Variants in RAB28 observed in about 807,000 individuals in gnomAD.
RAB28 encodes RAB28, member RAS oncogene family.
RAB28 carries 24 observed loss-of-function variants against 31.7 expected under a neutral mutation model. The observed-to-expected ratio is 0.76, with a 90% CI of 0.55 to 1.06. The LOEUF is 1.06. RAB28 is among the 50% of genes least tolerant of loss of function. RAB28 has a pLI of 0.00. For synonymous variants in RAB28, 100 were observed against 90.4 expected, an observed-to-expected ratio of 1.11 and a Z score of -0.60; for missense variants, 254 against 258.5, an observed-to-expected ratio of 0.98 and a Z score of 0.12.
At chr4:13,409,556 C>G (rs936965715) in intron 4 of RAB28, among the ~76,000 whole-genome samples, 2 of 152,164 alleles carry the variant, frequency 1.3e-5, no homozygotes, top group Non-Finnish European at 2.9e-5. Flanking sequence ...TGGGAGAGAT[C>G]TGGCAGGAGC....
At chr4:13,406,777 C>T (rs1712117268) in intron 4 of RAB28, among the ~76,000 whole-genome samples, 1 of 152,150 alleles carries the variant, frequency 6.6e-6, no homozygotes, top group Admixed American at 6.5e-5. Flanking sequence ...TTTCATATAA[C>T]TATTGGCTGC....
At chr4:13,474,470 G>T in intron 2 of RAB28, 64 bp from the exon 3 acceptor site, 1 of 967,886 alleles carries the variant, frequency 1.0e-6, no homozygotes, top group Middle Eastern at 2.8e-4. Flanking sequence ...AATACAACAA[G>T]TGACACAGTA....
At chr4:13,468,810 G>A (rs1353642804) in intron 3 of RAB28, among the ~76,000 whole-genome samples, 4 of 150,086 alleles carry the variant, frequency 2.7e-5, no homozygotes, top group African/African-American at 9.8e-5. Flanking sequence ...CAATAAAATT[G>A]ACAAACCTCT....
intron 6 of RAB28, chr4:13,370,114 C>T: frequency 1.4e-6 from 2 of 1,393,244 alleles, no homozygotes; most frequent in Non-Finnish European, 1.9e-6. Context: ...ATGTCTCACA[C>T]ACACACGCAC....
chr4:13,470,265 G>C (rs2108968702), intron 3 of RAB28, among the ~76,000 whole-genome samples: 1 of 152,098 alleles, frequency 6.6e-6, no homozygotes, highest in South Asian at 2.1e-4. Flanking sequence ...TAACAACATA[G>C]ATCTTGCTTT....
chr4:13,456,416 C>T (rs532415577), intron 4 of RAB28, among the ~76,000 whole-genome samples: 19 of 152,340 alleles, frequency 1.2e-4, no homozygotes, highest in Admixed American at 5.9e-4. Flanking sequence ...TTACTGGGCA[C>T]TTACTATGCA....
intron 4 of RAB28, among the ~76,000 whole-genome samples, chr4:13,447,737 TATG>T (rs1212280892): frequency 6.6e-6 from 1 of 152,194 alleles, no homozygotes; most frequent in Non-Finnish European, 1.5e-5. Flanking sequence ...CTATATTTAT[TATG>T]ATGATGTATA....
At chr4:13,403,196 TA>T (rs1315928094) in intron 4 of RAB28, among the ~76,000 whole-genome samples, 23 of 152,218 alleles carry the variant, frequency 1.5e-4, no homozygotes, top group Non-Finnish European at 4.4e-5. Context: ...TCTATTCCTA[TA>T]AAACTATTTA....
In RAB28 at chr4:13,480,804, C is replaced by T. The variant is rs138103251; in HGVS notation, c.76-1278G>A. 4.5e-3 allele frequency among the ~76,000 whole-genome samples: 684 copies of T among 151,976 alleles called. 6 individuals carry two copies. The highest frequency in any genetic ancestry group is 0.016 in the African/African-American group (650 of 41,536). ...ACAAACACATTTGTTATATTTTTGA[C>T]ACATGTAACACTATCAAAACTGAGA... On this transcript the variant is annotated intron_variant, in intron 1 of 6. Coordinates refer to ENST00000330852, the MANE Select transcript of RAB28 (RefSeq NM_001017979.3).
chr4:13,460,631 G>C, intron 4 of RAB28, 68 bp downstream of exon 4: 2 of 1,586,118 alleles, frequency 1.3e-6, no homozygotes, highest in South Asian at 2.2e-5. Flanking sequence ...GGTGGTGGGG[G>C]GACACAAACA....
chr4:13,410,583 T>C (rs1392778292), intron 4 of RAB28, among the ~76,000 whole-genome samples: 1 of 152,138 alleles, frequency 6.6e-6, no homozygotes, highest in African/African-American at 2.4e-5. Flanking sequence ...TAATAAATTT[T>C]AAAAGCCTTA....
intron 4 of RAB28, among the ~76,000 whole-genome samples, chr4:13,385,167 G>A (rs886402771): frequency 2.0e-5 from 3 of 152,120 alleles, no homozygotes; most frequent in Non-Finnish European, 4.4e-5. Flanking sequence ...AGAATGAAAA[G>A]GAATGAACAA....
chr4:13,381,551 T>C lies in RAB28; in HGVS notation c.435A>G (p.Leu145=), dbSNP rs774257551. The C allele has an allele frequency of 1.2e-6, 2 of 1,613,180 alleles. No homozygotes were observed. The highest frequency in any genetic ancestry group is 2.7e-5 in the African/African-American group (2 of 74,888). ...HMRTIKPEKH[L]RFCQENGFSS... The stretch of plus-strand genomic sequence containing the variant: ...TAAAACCATTTTCCTGGCAAAACCG[T>C]AAGTGTTTTTCAGGTTTTATTGTTC... The change falls in exon 5 of 7, where the codon TTA becomes TTG. Residue 145 remains leucine, a synonymous_variant. Transcript: ENST00000330852.
At position 13,413,908 on chromosome 4, in the gene RAB28, G is replaced by A. The variant is rs142647148; in HGVS notation, c.392-32314C>T. Among the ~76,000 whole-genome samples the A allele has an allele frequency of 3.1e-4, 47 of 152,288 alleles. 1 individual carries two copies. The East Asian group carries it at 7.9e-3, about 26-fold the overall frequency. On this transcript the variant is annotated intron_variant, in intron 4 of 6. Coordinates refer to ENST00000330852, the MANE Select transcript of RAB28 (RefSeq NM_001017979.3). The stretch of plus-strand genomic sequence containing the variant: ...TAGCTTGCCAGCTGGCCAGCATCTA[G>A]TCTTTCTCAGAGGGAAACTACAGAT...
At chr4:13,415,012 T>C (rs1048641458) in intron 4 of RAB28, among the ~76,000 whole-genome samples, 1 of 152,210 alleles carries the variant, frequency 6.6e-6, no homozygotes, top group Non-Finnish European at 1.5e-5. Context: ...TTAAGGGTTC[T>C]TGGTATCACA....
intron 4 of RAB28, among the ~76,000 whole-genome samples, chr4:13,451,150 G>C (rs1352849596): frequency 6.6e-6 from 1 of 151,900 alleles, no homozygotes; most frequent in African/African-American, 2.4e-5. Context: ...CCCACTAACA[G>C]TGTATAAGAG....
chr4:13,426,889 T>C (rs1445502562), intron 4 of RAB28, among the ~76,000 whole-genome samples: 1 of 152,210 alleles, frequency 6.6e-6, no homozygotes, highest in Non-Finnish European at 1.5e-5. Context: ...CTAGTTTAAT[T>C]TGATTCAGAG....
chr4:13,409,584 C>T (rs896055074), intron 4 of RAB28, among the ~76,000 whole-genome samples: 1 of 152,208 alleles, frequency 6.6e-6, no homozygotes. Context: ...AATGCAGGAA[C>T]TGCTGGTCCA....
intron 4 of RAB28, among the ~76,000 whole-genome samples, chr4:13,383,085 C>A (rs1451832240): frequency 1.3e-5 from 2 of 152,016 alleles, no homozygotes; most frequent in African/African-American, 4.8e-5. Context: ...TTTACAAGAA[C>A]AGGCAAGGAA....
Sources: allele counts gnomAD v4.1 joint callset (sites outside exome capture counted in the v4.1 genomes callset), GRCh38; gene constraint gnomAD v4.1.1; transcripts MANE v1.5; gene names NCBI Gene and HGNC (gene_info 2026-07-23, HGNC 2026-07-21).